Variants in CECR2 observed in about 807,000 individuals in gnomAD.
CECR2 encodes CECR2 histone acetyl-lysine reader.
A neutral mutation model predicts 154.5 loss-of-function variants in CECR2; 30 were observed. That is an observed-to-expected ratio of 0.19 (90% CI 0.15 to 0.26). CECR2 has a LOEUF of 0.26. Among genes scored for constraint, CECR2 ranks in the 10% least tolerant of loss-of-function variants. The pLI is 1.00. For synonymous variants in CECR2, 725 were observed against 683.7 expected (o/e 1.06, Z -0.94); for missense variants, 1,743 against 1,829.3 (o/e 0.95, Z 0.86).
At chr22:17,444,832 C>T (rs5747150) in intron 1 of CECR2, among the ~76,000 whole-genome samples, 43,174 of 151,998 alleles carry the variant, frequency 0.28, 8,501 homozygotes, top group East Asian at 0.54. Flanking sequence ...AGTAGGAGCA[C>T]CGTTGGGTTT....
At chr22:17,414,511 T>TC (rs398121712) in intron 1 of CECR2, among the ~76,000 whole-genome samples, 7 of 150,280 alleles carry the variant, frequency 4.7e-5, no homozygotes, top group Non-Finnish European at 1.0e-4. Context: ...CTTTTTTTTT[T>TC]CCTGATTTTT....
chr22:17,462,652 A>AGTG (rs2054960220), intron 1 of CECR2, among the ~76,000 whole-genome samples: 1 of 152,126 alleles, frequency 6.6e-6, no homozygotes, highest in Non-Finnish European at 1.5e-5. Context: ...GCAGTGGCTC[A>AGTG]CGCCTGTAAT....
chr22:17,443,312 T>A (rs1699342480), intron 1 of CECR2, among the ~76,000 whole-genome samples: 1 of 152,232 alleles, frequency 6.6e-6, no homozygotes, highest in Non-Finnish European at 1.5e-5. Context: ...ATTTCTCTAT[T>A]AAAATTCTGT....
At position 17,470,979 on chromosome 22, in the gene CECR2, C is replaced by G. The variant is rs570350589; in HGVS notation, c.127-6609C>G. Among the ~76,000 whole-genome samples, 4 of 152,292 alleles carry G rather than the reference C, an allele frequency of 2.6e-5. No homozygotes were observed. The South Asian group carries it at 6.2e-4, about 24-fold the overall frequency. On this transcript the variant is annotated intron_variant, in intron 1 of 18. Transcript: ENST00000262608. ...CCTAGTAGCAAGAGAATGATGACTC[C>G]AAACCTCAGAGGCCTGGAGCTGTAT...
chr22:17,464,444 G>GCA (rs201849025), intron 1 of CECR2, among the ~76,000 whole-genome samples: 25,747 of 152,042 alleles, frequency 0.17, 2,833 homozygotes, highest in Non-Finnish European at 0.25. Flanking sequence ...AGTTAATATT[G>GCA]GCAGCTACCA....
At chr22:17,435,541 C>G (rs1418175891) in intron 1 of CECR2, among the ~76,000 whole-genome samples, 1 of 152,028 alleles carries the variant, frequency 6.6e-6, no homozygotes, top group Non-Finnish European at 1.5e-5. Flanking sequence ...GCCCTCAGCA[C>G]CTTTTGAACT....
At chr22:17,545,374 CAAAAA>C (rs695493) in intron 16 of CECR2, among the ~76,000 whole-genome samples, 32 of 46,438 alleles carry the variant, frequency 6.9e-4, no homozygotes, top group African/African-American at 2.1e-3. Flanking sequence ...GACTCCGTCT[CAAAAA>C]AAAAAAAAAA....
intron 8 of CECR2, among the ~76,000 whole-genome samples, chr22:17,516,699 A>G (rs1007714720): frequency 2.0e-5 from 3 of 152,116 alleles, no homozygotes; most frequent in Non-Finnish European, 4.4e-5. Flanking sequence ...GGTTCAAGCT[A>G]TTCCCCTGCC....
chr22:17,407,948 T>TC lies in CECR2; in HGVS notation c.126+38041dup, dbSNP rs528728929. 1.2e-4 allele frequency among the ~76,000 whole-genome samples: 19 copies of TC among 152,338 alleles called. No individual in the cohort carries two copies. In the South Asian group the frequency reaches 3.7e-3, roughly 30 times the overall value. On this transcript the variant is annotated intron_variant, in intron 1 of 18. Coordinates refer to ENST00000262608, the MANE Select transcript of CECR2 (RefSeq NM_001290047.2). The stretch of plus-strand genomic sequence containing the variant: ...TTGAGTTTTCATTAGAACATGGGTG[T>TC]CCGAAACTGTACCTTTGGTGACTAA...
At chr22:17,483,596 A>G (rs1473155390) in intron 2 of CECR2, among the ~76,000 whole-genome samples, 3 of 151,418 alleles carry the variant, frequency 2.0e-5, no homozygotes, top group Non-Finnish European at 2.9e-5. Flanking sequence ...TACAGAGCAG[A>G]AAAAAAAAGA....
At chr22:17,376,650 T>G (rs2063122371) in intron 1 of CECR2, among the ~76,000 whole-genome samples, 1 of 151,852 alleles carries the variant, frequency 6.6e-6, no homozygotes, top group South Asian at 2.1e-4. Context: ...TTTTGTTTTT[T>G]TTTTTTGAGA....
chr22:17,460,422 C>G (rs758200598), intron 1 of CECR2, among the ~76,000 whole-genome samples: 1 of 152,334 alleles, frequency 6.6e-6, no homozygotes, highest in Non-Finnish European at 1.5e-5. Context: ...GTTGGCCAGG[C>G]TGGTCACTAA....
At chr22:17,381,532 T>A (rs1431890618) in intron 1 of CECR2, among the ~76,000 whole-genome samples, 5 of 152,148 alleles carry the variant, frequency 3.3e-5, no homozygotes, top group African/African-American at 1.2e-4. Flanking sequence ...TTCTGTAACA[T>A]GCACATTTTT....
chr22:17,388,016 G>A (rs893166223), intron 1 of CECR2, among the ~76,000 whole-genome samples: 2 of 151,822 alleles, frequency 1.3e-5, no homozygotes, highest in African/African-American at 4.8e-5. Context: ...GTGCAGTGGT[G>A]CCATCTGGGC....
chr22:17,511,094 T>C (rs1227650590), intron 7 of CECR2, among the ~76,000 whole-genome samples: 3 of 152,352 alleles, frequency 2.0e-5, no homozygotes, highest in Admixed American at 1.3e-4. Context: ...ACGGAAGTTA[T>C]GTTATCTTAA....
chr22:17,380,196 T>C (rs1239557079), intron 1 of CECR2, among the ~76,000 whole-genome samples: 3 of 152,186 alleles, frequency 2.0e-5, no homozygotes, highest in Admixed American at 1.3e-4. Flanking sequence ...AATAAGTTGG[T>C]GTGAAGTCAA....
rs1165920275 is a variant in CECR2 at position 17,555,082 on chromosome 22, T to C, written c.*2242T>C. ...CCAGGGGCCTGGGTGGGAGTGGCTG[T>C]AAGCAGCAGTTGGGCCATTGCCCCC... On this transcript the variant is annotated 3_prime_UTR_variant, in exon 19 of 19. Coordinates refer to ENST00000262608, the MANE Select transcript of CECR2 (RefSeq NM_001290047.2). The C allele has an allele frequency of 6.6e-6, 1 of 152,318 alleles. No homozygotes were observed. The highest frequency in any genetic ancestry group is 1.5e-5 in the Non-Finnish European group (1 of 68,138). 9.4% of individuals were successfully genotyped at this position (152,318 alleles called of 1,614,324 possible). A position where few individuals can be genotyped will look rare whatever the true frequency, so the allele number is the denominator to read the frequency against.
chr22:17,460,003 A>G (rs541731899), intron 1 of CECR2, among the ~76,000 whole-genome samples: 99 of 151,868 alleles, frequency 6.5e-4, no homozygotes, highest in Non-Finnish European at 1.1e-3. Flanking sequence ...CCATTGATCT[A>G]TTTCTTCTCT....
intron 5 of CECR2, among the ~76,000 whole-genome samples, chr22:17,502,532 G>C (rs753509000): frequency 6.6e-6 from 1 of 152,146 alleles, no homozygotes; most frequent in African/African-American, 2.4e-5. Context: ...GGCTGGGCAC[G>C]GTGGCTCACG....
Sources: allele counts gnomAD v4.1 joint callset (sites outside exome capture counted in the v4.1 genomes callset), GRCh38; gene constraint gnomAD v4.1.1; transcripts MANE v1.5; gene names NCBI Gene and HGNC (gene_info 2026-07-23, HGNC 2026-07-21).